FADS3: variants seen among roughly 807,000 people sequenced by gnomAD.
FADS3 encodes the protein cytochrome b5-related protein.
FADS3 carries 30 observed loss-of-function variants against 60.4 expected under a neutral mutation model. The observed-to-expected ratio is 0.50, with a 90% confidence interval of 0.37 to 0.67. The LOEUF (loss-of-function observed/expected upper bound fraction) is 0.67. FADS3 is among the 30% of genes least tolerant of loss of function. The probability of loss-of-function intolerance (pLI) is 0.00; values close to 1 mark genes in which losing one functional copy is unlikely to be tolerated. For missense variants in FADS3, 432 were observed against 598.3 expected (o/e 0.72, Z 2.90); for synonymous variants, 234 against 249.3 (o/e 0.94, Z 0.58).
chr11:61,873,940 A>G lies in FADS3; in HGVS notation c.1287-75T>C. On this transcript the variant is annotated intron_variant, in intron 11 of 11. Coordinates refer to ENST00000278829, the MANE Select transcript of FADS3 (RefSeq NM_021727.5). ...AGATCCTAACACCCCTGTATCCCCC[A>G]TGGTAAGTGTGAGCGGAGATCCCCA... is the stretch of plus-strand genomic sequence containing the variant. The G allele has an allele frequency of 4.1e-6, 4 of 976,754 alleles. No individual in the cohort carries two copies. In the Admixed American group the frequency reaches 8.4e-5, roughly 20 times the overall value. The allele number at this position is 976,754 out of a possible 1,614,324, so 60.5% of individuals were successfully genotyped here.
At chr11:61,875,743 C>T (rs1038060944) in intron 11 of FADS3, 108 bp downstream of exon 11, 18 of 1,382,326 alleles carry the variant, frequency 1.3e-5, no homozygotes, top group Non-Finnish European at 1.8e-5. Flanking sequence ...GGGACGTGGA[C>T]AGAAAGGCTC....
In FADS3 at chr11:61,874,417, G is replaced by A. The variant is rs57535397; in HGVS notation, c.1287-552C>T. 0.013 allele frequency among the ~76,000 whole-genome samples: 2,029 copies of A among 152,302 alleles called. 355 individuals are homozygous for A. In the East Asian group the frequency reaches 0.34, roughly 26 times the overall value. On this transcript the variant is annotated intron_variant, in intron 11 of 11. Transcript: ENST00000278829. ...AGGGCAACCAAGTAAGGGGAACAGC[G>A]TGTACAAAGGCGCAGAGGTATAAGA...
Position 61,878,530 on chromosome 11 carries a change from C to T in FADS3, c.729G>A (p.Leu243=), listed in dbSNP as rs1436765931. The T allele has an allele frequency of 2.5e-6, 4 of 1,613,934 alleles. No homozygotes were observed. Among genetic ancestry groups the T allele is most frequent in the African/African-American group, 1.3e-5 (1 of 74,896 alleles). ...CACCCACCTCGACGGATGACTCCCC[C>T]AGGAGGAAGACGGGCGCCACCGTCA... ...PDVTVAPVFL[L]GESSVEYGKK... The change falls in exon 5 of 12, where the codon CTG becomes CTA. Residue 243 remains leucine (L), a synonymous_variant. Coordinates refer to ENST00000278829, the MANE Select transcript of FADS3 (RefSeq NM_021727.5).
chr11:61,876,047 C>T lies in FADS3; in HGVS notation c.1160+64G>A, dbSNP rs751297489. Reference sequence around the variant, plus strand: ...GAGAGAGGCCCCACCCACGGGTCCCCTCCCAGGATCCCCTCCCAGGACCCC... The same window carrying T: ...GAGAGAGGCCCCACCCACGGGTCCCTTCCCAGGATCCCCTCCCAGGACCCC... On this transcript the variant is annotated intron_variant, in intron 10 of 11. Transcript: ENST00000278829. This position sits in a 1 kb window ranked among gnomAD's most constrained non-coding sequence, Gnocchi z 5.7. 2.5e-5 allele frequency: 41 copies of T among 1,609,244 alleles called. No individual in the cohort carries two copies. In the African/African-American group the frequency reaches 5.3e-4, roughly 21 times the overall value.
In FADS3 at chr11:61,877,239, C is replaced by T. The variant is rs1937930543; in HGVS notation, c.885+272G>A. ...GACACAGATGCCTGGCAGAGTCAGCCCAGCAACTCCTCCTGGGAAGACACC... is the reference window on the plus strand; with the variant it reads ...GACACAGATGCCTGGCAGAGTCAGCTCAGCAACTCCTCCTGGGAAGACACC... On this transcript the variant is annotated intron_variant, in intron 7 of 11. Coordinates refer to ENST00000278829, the MANE Select transcript of FADS3 (RefSeq NM_021727.5). The surrounding 1 kb of genome is among the most constrained non-coding windows in gnomAD (Gnocchi z 4.7). 2.9e-5 allele frequency: 15 copies of T among 512,254 alleles called. No homozygotes were observed. In the South Asian group the frequency reaches 3.3e-4, roughly 11 times the overall value. The allele number at this position is 512,254 out of a possible 1,614,324, so 31.7% of individuals were successfully genotyped here. A position where few individuals can be genotyped will look rare whatever the true frequency, so the allele number is the denominator to read the frequency against.
Position 61,877,697 on chromosome 11 carries a change from C to A in FADS3, c.809-110G>T. The A allele has an allele frequency of 1.0e-6, 1 of 976,340 alleles. No individual in the cohort carries two copies. Among genetic ancestry groups the A allele is most frequent in the Admixed American group, 2.0e-5 (1 of 48,886 alleles). 60.5% of individuals were successfully genotyped at this position (976,340 alleles called of 1,614,324 possible). A position where few individuals can be genotyped will look rare whatever the true frequency, so the allele number is the denominator to read the frequency against. ...CAGGAATGCCCCTGGGACGTTGGTG[C>A]TGGTCACATCCAGCTGAATGACCCC... On this transcript the variant is annotated intron_variant, in intron 6 of 11. Transcript: ENST00000278829. The surrounding 1 kb of genome is among the most constrained non-coding windows in gnomAD (Gnocchi z 4.7).
intron 4 of FADS3, 39 bp from the exon 5 acceptor site, chr11:61,878,673 C>A (rs1938009215): frequency 6.2e-7 from 1 of 1,612,710 alleles, no homozygotes; most frequent in South Asian, 1.1e-5. Flanking sequence ...AGGCTGTGCC[C>A]CCGACTGTGC....
chr11:61,876,517 G>T lies in FADS3; in HGVS notation c.984-62C>A. The T allele has an allele frequency of 7.4e-7, 1 of 1,356,766 alleles. No homozygotes were observed. Among genetic ancestry groups the T allele is most frequent in the Non-Finnish European group, 1.1e-6 (1 of 948,456 alleles). 84.0% of individuals were successfully genotyped at this position (1,356,766 alleles called of 1,614,324 possible). A position where few individuals can be genotyped will look rare whatever the true frequency, so the allele number is the denominator to read the frequency against. ...CACCACTTAGGCACCCTGAGTGGAG[G>T]CTGGAGAGCAGCTGTCCCCAAGTGG... On this transcript the variant is annotated intron_variant, in intron 8 of 11. Transcript: ENST00000278829. The surrounding 1 kb of genome is among the most constrained non-coding windows in gnomAD (Gnocchi z 5.7).
intron 1 of FADS3, among the ~76,000 whole-genome samples, chr11:61,888,382 A>G (rs1340418527): frequency 6.6e-6 from 1 of 152,224 alleles, no homozygotes; most frequent in African/African-American, 2.4e-5. Flanking sequence ...GCCTGGGCTC[A>G]ACTACACAGG....
At position 61,873,607 on chromosome 11, in the gene FADS3, C is replaced by T. The variant is rs2135987739; in HGVS notation, c.*207G>A. The T allele has an allele frequency of 1.7e-6, 1 of 595,802 alleles. No homozygotes were observed. Among genetic ancestry groups the T allele is most frequent in the Non-Finnish European group, 3.0e-6 (1 of 333,462 alleles). 36.9% of individuals were successfully genotyped at this position (595,802 alleles called of 1,614,324 possible). On this transcript the variant is annotated 3_prime_UTR_variant, in exon 12 of 12. Transcript: ENST00000278829. The stretch of plus-strand genomic sequence containing the variant: ...GGAAAATGTGCTATGCTCACCTTCC[C>T]TCTACCCCTGTCCCATCAGGCCCAG...
intron 1 of FADS3, chr11:61,881,070 A>C (rs1938112581): frequency 6.6e-6 from 1 of 152,332 alleles, no homozygotes; most frequent in Non-Finnish European, 1.5e-5. Flanking sequence ...CCAGCACTGT[A>C]AGAGGCCAAG....
At chr11:61,879,918 C>G (rs1938064227) in intron 2 of FADS3, 123 bp downstream of exon 2, 1 of 751,328 alleles carries the variant, frequency 1.3e-6, no homozygotes, top group African/African-American at 1.8e-5. Flanking sequence ...AGGCTCAGCC[C>G]TGGCTCTGCA....
chr11:61,886,968 G>T (rs1047686397), intron 1 of FADS3, among the ~76,000 whole-genome samples: 25 of 152,190 alleles, frequency 1.6e-4, no homozygotes, highest in African/African-American at 6.0e-4. Context: ...AGTTGTTAGG[G>T]CTTCAGCCGA....
chr11:61,886,954 CCA>C (rs1302502481), intron 1 of FADS3, among the ~76,000 whole-genome samples: 1 of 152,180 alleles, frequency 6.6e-6, no homozygotes, highest in Non-Finnish European at 1.5e-5. Context: ...TTGGATTTTC[CCA>C]CAGTTGTTAG....
upstream of FADS3, chr11:61,891,649 C>A (rs1446924822): frequency 4.4e-5 from 5 of 113,032 alleles, no homozygotes; most frequent in Non-Finnish European, 9.7e-5. Context: ...GGCTGGCTGA[C>A]CCCCCGCGTC....
Position 61,891,526 on chromosome 11 carries a change from G to A in FADS3, c.-145C>T. 1 of 461,668 alleles carries A rather than the reference G, an allele frequency of 2.2e-6. No individual in the cohort carries two copies. Among genetic ancestry groups the A allele is most frequent in the Non-Finnish European group, 3.3e-6 (1 of 300,556 alleles). The allele number at this position is 461,668 out of a possible 1,614,324, so 28.6% of individuals were successfully genotyped here. A position where few individuals can be genotyped will look rare whatever the true frequency, so the allele number is the denominator to read the frequency against. ...CTGCCGCCGCGGCCGCCGTACGAGC[G>A]AGCGTGCGCCTCCCGGCTCGCGGCG... On this transcript the variant is annotated 5_prime_UTR_variant, in exon 1 of 12. Coordinates refer to ENST00000278829, the MANE Select transcript of FADS3 (RefSeq NM_021727.5).
Position 61,876,239 on chromosome 11 carries a change from G to T in FADS3, c.1081-49C>A, listed in dbSNP as rs1937877251. On this transcript the variant is annotated intron_variant, in intron 9 of 11. Transcript: ENST00000278829. The surrounding 1 kb of genome is among the most constrained non-coding windows in gnomAD (Gnocchi z 5.7). ...TGTGAGGAGGCCGTTGCAGATCCCT[G>T]ACCCCACGGCACCATCCCCCACCTG... The T allele has an allele frequency of 6.3e-7, 1 of 1,574,826 alleles. No homozygotes were observed. Among genetic ancestry groups the T allele is most frequent in the African/African-American group, 1.4e-5 (1 of 74,064 alleles).
chr11:61,877,349 G>T lies in FADS3; in HGVS notation c.885+162C>A. 1.6e-6 allele frequency: 1 copy of T among 628,166 alleles called. No individual in the cohort carries two copies. The highest frequency in any genetic ancestry group is 2.8e-6 in the Non-Finnish European group (1 of 360,666). 38.9% of individuals were successfully genotyped at this position (628,166 alleles called of 1,614,324 possible). ...TCACGGGCACACTCGCTCTCCTGCT[G>T]CGCGCACACATGTGAGCCACACTGT... On this transcript the variant is annotated intron_variant, in intron 7 of 11. Coordinates refer to ENST00000278829, the MANE Select transcript of FADS3 (RefSeq NM_021727.5). The surrounding 1 kb of genome is among the most constrained non-coding windows in gnomAD (Gnocchi z 4.7).
intron 2 of FADS3, 149 bp from the exon 3 acceptor site, chr11:61,879,658 G>T: frequency 1.3e-6 from 1 of 761,696 alleles, no homozygotes; most frequent in Non-Finnish European, 2.1e-6. Context: ...CGGGGTGTGA[G>T]CTGGAGCACT....
Sources: gnomAD v4.1 joint callset for allele counts (sites outside exome capture counted in the v4.1 genomes callset) on GRCh38, gnomAD v4.1.1 for gene constraint, Gnocchi (gnomAD v3.1) non-coding constraint, MANE v1.5 for transcripts, NCBI Gene and HGNC (gene_info 2026-07-23, HGNC 2026-07-21) for gene names.